Variants in WASF1 observed in about 807,000 individuals in gnomAD.
WASF1 encodes the protein actin-binding protein WASF1.
WASF1 carries 7 observed loss-of-function variants against 50.5 expected under a neutral mutation model. The ratio of observed to expected loss-of-function variants is 0.14; its 90% CI spans 0.08 to 0.26. The LOEUF (loss-of-function observed/expected upper bound fraction) is 0.26, where lower values mean the gene tolerates loss of function less well. WASF1 is among the 10% of genes least tolerant of loss of function. The pLI is 1.00. For synonymous variants in WASF1, 205 were observed against 244.0 expected (o/e 0.84, Z 1.49); for missense variants, 470 against 694.7 (o/e 0.68, Z 3.64).
intron 3 of WASF1, among the ~76,000 whole-genome samples, chr6:110,143,754 C>G (rs191029185): frequency 6.6e-6 from 1 of 152,232 alleles, no homozygotes; most frequent in East Asian, 1.9e-4. Flanking sequence ...TAATTCTTTA[C>G]ATTCATGGTC....
At chr6:110,103,797 T>G (rs886863201) in intron 8 of WASF1, among the ~76,000 whole-genome samples, 1 of 152,128 alleles carries the variant, frequency 6.6e-6, no homozygotes, top group Non-Finnish European at 1.5e-5. Flanking sequence ...ATTTTATTAT[T>G]TTATAACAGA....
chr6:110,140,401 G>A (rs990005910), intron 3 of WASF1, among the ~76,000 whole-genome samples: 7 of 152,238 alleles, frequency 4.6e-5, no homozygotes, highest in African/African-American at 1.7e-4. Context: ...CCTGAGTTCT[G>A]TGAGCCACTC....
chr6:110,142,473 C>G (rs1177823285), intron 3 of WASF1, among the ~76,000 whole-genome samples: 1 of 152,052 alleles, frequency 6.6e-6, no homozygotes, highest in African/African-American at 2.4e-5. Context: ...TGTCATTTAT[C>G]TAACTCAACT....
At chr6:110,130,573 T>C (rs896545968) in intron 3 of WASF1, among the ~76,000 whole-genome samples, 12 of 152,212 alleles carry the variant, frequency 7.9e-5, no homozygotes, top group African/African-American at 2.4e-4. Context: ...CATTGCTGTA[T>C]AATAGTCCAC....
intron 3 of WASF1, among the ~76,000 whole-genome samples, chr6:110,135,876 CTTTTTT>C (rs778710982): frequency 1.5e-4 from 10 of 68,308 alleles, no homozygotes; most frequent in South Asian, 6.0e-4. Context: ...AGTCCATTAT[CTTTTTT>C]TTTTTTTTTT....
intron 4 of WASF1, among the ~76,000 whole-genome samples, chr6:110,119,643 C>T (rs1021441185): frequency 6.6e-6 from 1 of 152,190 alleles, no homozygotes; most frequent in African/African-American, 2.4e-5. Flanking sequence ...CCTTCTAAAA[C>T]TATTTCAATC....
chr6:110,166,711 C>T (rs1319431250), intron 2 of WASF1, among the ~76,000 whole-genome samples: 1 of 151,788 alleles, frequency 6.6e-6, no homozygotes, highest in Non-Finnish European at 1.5e-5. Flanking sequence ...GACCACAGAT[C>T]AGATGGGTTT....
intron 3 of WASF1, among the ~76,000 whole-genome samples, chr6:110,135,048 A>G (rs1305913097): frequency 6.6e-6 from 1 of 152,082 alleles, no homozygotes; most frequent in Non-Finnish European, 1.5e-5. Context: ...TTCTTTCAGC[A>G]GTGTTTTGTA....
chr6:110,146,279 G>C (rs895348917), intron 3 of WASF1, among the ~76,000 whole-genome samples: 6 of 151,966 alleles, frequency 3.9e-5, no homozygotes, highest in Non-Finnish European at 5.9e-5. Flanking sequence ...TAAGAATTTT[G>C]GGTAGGGCAA....
At chr6:110,103,636 T>G (rs2114451518) in intron 8 of WASF1, 79 bp from the exon 9 acceptor site, 2 of 1,282,466 alleles carry the variant, frequency 1.6e-6, no homozygotes, top group East Asian at 2.5e-5. Flanking sequence ...ATTAAATATT[T>G]AAAGTTTATC....
chr6:110,134,821 T>G (rs1013183638), intron 3 of WASF1, among the ~76,000 whole-genome samples: 1 of 152,210 alleles, frequency 6.6e-6, no homozygotes, highest in Non-Finnish European at 1.5e-5. Context: ...CCAGATTTGT[T>G]CTTTTTGCTT....
intron 8 of WASF1, 46 bp downstream of exon 8, chr6:110,105,361 A>C: frequency 6.5e-7 from 1 of 1,544,408 alleles, no homozygotes; most frequent in Non-Finnish European, 8.7e-7. Flanking sequence ...ACTACAAATA[A>C]AGCCAATGTT....
At chr6:110,125,879 T>G (rs1394097203) in intron 4 of WASF1, among the ~76,000 whole-genome samples, 1 of 152,230 alleles carries the variant, frequency 6.6e-6, no homozygotes, top group African/African-American at 2.4e-5. Flanking sequence ...GTTGCTTATA[T>G]GGACTATATA....
At chr6:110,130,214 G>GA (rs1204127217) in intron 3 of WASF1, among the ~76,000 whole-genome samples, 2 of 151,940 alleles carry the variant, frequency 1.3e-5, no homozygotes, top group African/African-American at 4.8e-5. Context: ...GAAATGTAGA[G>GA]AAAAAAAGCA....
chr6:110,124,262 CTCTCTCTCTCTCTATA>C (rs1774304142), intron 4 of WASF1, among the ~76,000 whole-genome samples: 2 of 61,610 alleles, frequency 3.2e-5, no homozygotes, highest in African/African-American at 1.6e-4. Flanking sequence ...CTCTCTCTCT[CTCTCTCTCTCTCTATA>C]TATATATATA....
chr6:110,127,024 C>T (rs1774446718), intron 4 of WASF1, among the ~76,000 whole-genome samples: 1 of 152,152 alleles, frequency 6.6e-6, no homozygotes, highest in African/African-American at 2.4e-5. Flanking sequence ...ATAATGACCC[C>T]ATACCTCTCA....
intron 10 of WASF1, 106 bp from the exon 11 acceptor site, chr6:110,100,785 A>C: frequency 4.1e-6 from 5 of 1,212,544 alleles, no homozygotes; most frequent in Non-Finnish European, 5.4e-6. Context: ...TACTTATAGG[A>C]AAATAAAAAG....
At chr6:110,130,761 A>G (rs1215556364) in intron 3 of WASF1, among the ~76,000 whole-genome samples, 2 of 152,338 alleles carry the variant, frequency 1.3e-5, no homozygotes, top group Middle Eastern at 3.4e-3. Context: ...ACACAACTTC[A>G]TCTTTAGGAA....
chr6:110,116,171 A>T (rs6922564), intron 4 of WASF1, among the ~76,000 whole-genome samples: 2 of 152,200 alleles, frequency 1.3e-5, no homozygotes, highest in African/African-American at 4.8e-5. Flanking sequence ...TCATCTCATT[A>T]GGACTGGTTG....
Sources: allele counts gnomAD v4.1 joint callset (sites outside exome capture counted in the v4.1 genomes callset), GRCh38; gene constraint gnomAD v4.1.1; transcripts MANE v1.5; gene names NCBI Gene and HGNC (gene_info 2026-07-23, HGNC 2026-07-21).